PREP: variants seen among roughly 807,000 people sequenced by gnomAD.
The protein encoded by PREP is dJ355L5.1 (prolyl endopeptidase).
In PREP, 29 loss-of-function variants were observed where a neutral mutation model predicts 87.6. The ratio of observed to expected loss-of-function variants is 0.33; its 90% CI spans 0.25 to 0.45. The LOEUF (loss-of-function observed/expected upper bound fraction) is 0.45, where lower values mean the gene tolerates loss of function less well. Ranked by LOEUF, PREP falls within the 20% of genes least tolerant of loss-of-function variation. PREP has a pLI of 1.00. For synonymous variants in PREP, 337 were observed against 328.6 expected (o/e 1.03, Z -0.28); for missense variants, 695 against 886.5 (o/e 0.78, Z 2.74).
rs1562181845 is a variant in PREP at position 105,273,545 on chromosome 6, T to A, written c.*4599A>T. The A allele has an allele frequency of 1.3e-5, 2 of 152,228 alleles. No individual in the cohort carries two copies. Among genetic ancestry groups the A allele is most frequent in the African/African-American group, 2.4e-5 (1 of 41,466 alleles). 9.4% of individuals were successfully genotyped at this position (152,228 alleles called of 1,614,324 possible). On this transcript the variant is annotated 3_prime_UTR_variant, in exon 15 of 15. Coordinates refer to ENST00000652536, the MANE Select transcript of PREP (RefSeq NM_002726.5). Reference sequence around the variant, plus strand: ...TGTGTCTGGCTTCTTTCACTTATAATGTTTTTGAGATTCATCCATGATATG... The same window carrying A: ...TGTGTCTGGCTTCTTTCACTTATAAAGTTTTTGAGATTCATCCATGATATG...
intron 10 of PREP, among the ~76,000 whole-genome samples, chr6:105,311,842 T>G (rs1012883818): frequency 1.3e-5 from 2 of 152,210 alleles, no homozygotes; most frequent in Admixed American, 1.3e-4. Flanking sequence ...TAGACATAAA[T>G]GAATTGTAAA....
At chr6:105,306,069 C>T (rs1031210902) in intron 10 of PREP, among the ~76,000 whole-genome samples, 1 of 152,140 alleles carries the variant, frequency 6.6e-6, no homozygotes, top group Non-Finnish European at 1.5e-5. Flanking sequence ...CCTCAAACTC[C>T]TGGGCTCAAG....
intron 10 of PREP, among the ~76,000 whole-genome samples, chr6:105,310,457 A>G (rs912788756): frequency 2.0e-5 from 3 of 152,016 alleles, no homozygotes; most frequent in African/African-American, 7.3e-5. Flanking sequence ...TATCAATATC[A>G]CCAATAATCC....
rs371717699 is a variant in PREP at position 105,347,105 on chromosome 6, A to G, written c.823+5867T>C. ...GCTCCTTTTTTGCTGCTATTATCCT[A>G]TAAAGCAGGGAATAAAGTACCTGAC... On this transcript the variant is annotated intron_variant, in intron 7 of 14. Transcript: ENST00000652536. Among the ~76,000 whole-genome samples, 94 of 152,370 alleles carry G rather than the reference A, an allele frequency of 6.2e-4. 1 individual carries two copies. The South Asian group carries it at 0.012, about 19-fold the overall frequency.
chr6:105,293,617 A>C (rs1770346285), intron 10 of PREP, among the ~76,000 whole-genome samples: 1 of 152,122 alleles, frequency 6.6e-6, no homozygotes, highest in South Asian at 2.1e-4. Context: ...AAAAAAAAAA[A>C]AATGCAATTA....
At chr6:105,346,638 ACTC>A (rs1424768806) in intron 7 of PREP, among the ~76,000 whole-genome samples, 1 of 152,034 alleles carries the variant, frequency 6.6e-6, no homozygotes, top group Non-Finnish European at 1.5e-5. Flanking sequence ...TTCTCCCTAA[ACTC>A]CTCATAAATG....
chr6:105,280,203 T>A (rs908633951), intron 14 of PREP, among the ~76,000 whole-genome samples: 1 of 152,134 alleles, frequency 6.6e-6, no homozygotes, highest in Admixed American at 6.5e-5. Context: ...GGCTGAAGCA[T>A]GAGAACTGAG....
At chr6:105,357,793 T>C (rs1772138073) in intron 6 of PREP, among the ~76,000 whole-genome samples, 1 of 152,104 alleles carries the variant, frequency 6.6e-6, no homozygotes, top group South Asian at 2.1e-4. Context: ...CATGTGACTG[T>C]GAACAGAATA....
At chr6:105,345,747 A>G (rs1771779322) in intron 7 of PREP, among the ~76,000 whole-genome samples, 1 of 152,160 alleles carries the variant, frequency 6.6e-6, no homozygotes, top group African/African-American at 2.4e-5. Flanking sequence ...TTAAGCTGAC[A>G]TGGATCCAAA....
chr6:105,389,790 C>T (rs980757533), intron 2 of PREP, among the ~76,000 whole-genome samples: 1 of 152,090 alleles, frequency 6.6e-6, no homozygotes, highest in African/African-American at 2.4e-5. Context: ...AGCACATGAT[C>T]CAGGCAGTCC....
intron 6 of PREP, among the ~76,000 whole-genome samples, chr6:105,358,729 T>C (rs1772166591): frequency 6.6e-6 from 1 of 152,200 alleles, no homozygotes; most frequent in Admixed American, 6.5e-5. Flanking sequence ...CTACTCTTTC[T>C]TGGCAAAGTT....
chr6:105,315,059 T>C (rs1770832535), intron 10 of PREP, among the ~76,000 whole-genome samples: 1 of 152,326 alleles, frequency 6.6e-6, no homozygotes, highest in South Asian at 2.1e-4. Flanking sequence ...GTCTCAACAG[T>C]GTGCTTAACA....
chr6:105,364,942 T>TG (rs151048618), intron 6 of PREP, among the ~76,000 whole-genome samples: 2,817 of 152,310 alleles, frequency 0.018, 96 homozygotes, highest in African/African-American at 0.064. Flanking sequence ...CACATGCCTT[T>TG]GGTACATGGT....
chr6:105,325,948 T>A (rs1475494275), intron 9 of PREP, among the ~76,000 whole-genome samples: 1 of 152,060 alleles, frequency 6.6e-6, no homozygotes, highest in Non-Finnish European at 1.5e-5. Context: ...CCCAGTGTAA[T>A]CTGAAATAAA....
chr6:105,277,002 GA>G lies in PREP; in HGVS notation c.*1141del, dbSNP rs1195165928. Among the ~76,000 whole-genome samples the G allele has an allele frequency of 6.6e-6, 1 of 150,846 alleles. No homozygotes were observed. Among genetic ancestry groups the G allele is most frequent in the Admixed American group, 6.6e-5 (1 of 15,146 alleles). On this transcript the variant is annotated 3_prime_UTR_variant, in exon 15 of 15. Transcript: ENST00000652536. ...TATCATCTGATAAAGCAAGACAAAGGAAAAAAAACTGTTTTAAGTTAGATCA... is the reference window on the plus strand; with the variant it reads ...TATCATCTGATAAAGCAAGACAAAGGAAAAAAACTGTTTTAAGTTAGATCA...
intron 10 of PREP, among the ~76,000 whole-genome samples, chr6:105,322,016 G>C (rs1771024204): frequency 6.6e-6 from 1 of 152,070 alleles, no homozygotes; most frequent in Non-Finnish European, 1.5e-5. Flanking sequence ...CCCAGGCAAG[G>C]ACCAGAACAA....
chr6:105,382,313 A>ACACACACACACACACACAC (rs1562224787), intron 2 of PREP, among the ~76,000 whole-genome samples: 1 of 149,426 alleles, frequency 6.7e-6, no homozygotes. Flanking sequence ...ACACACACAC[A>ACACACACACACACACACAC]AAGTATGTGA....
rs900861361 is a variant in PREP at position 105,275,503 on chromosome 6, T to C, written c.*2641A>G. ...GCAGTGAGGCCACCTGTGCAACATG[T>C]ACAACTTTTTCTTTTTCAAAACAGT... On this transcript the variant is annotated 3_prime_UTR_variant, in exon 15 of 15. Transcript: ENST00000652536. Among the ~76,000 whole-genome samples the C allele has an allele frequency of 2.0e-5, 3 of 152,202 alleles. No homozygotes were observed. Among genetic ancestry groups the C allele is most frequent in the African/African-American group, 4.8e-5 (2 of 41,454 alleles).
intron 2 of PREP, among the ~76,000 whole-genome samples, chr6:105,390,321 A>G (rs1276270536): frequency 6.6e-6 from 1 of 152,242 alleles, no homozygotes; most frequent in Non-Finnish European, 1.5e-5. Context: ...TTGTTATTTT[A>G]TCTTATTTTT....
Sources: gnomAD v4.1 joint callset for allele counts (sites outside exome capture counted in the v4.1 genomes callset) on GRCh38, gnomAD v4.1.1 for gene constraint, MANE v1.5 for transcripts, NCBI Gene and HGNC (gene_info 2026-07-23, HGNC 2026-07-21) for gene names.